PLEKHG5: variants seen among roughly 807,000 people sequenced by gnomAD.
The protein encoded by PLEKHG5 is pleckstrin homology domain-containing family G member 5.
PLEKHG5 carries 52 observed loss-of-function variants against 103.8 expected under a neutral mutation model. The ratio of observed to expected loss-of-function variants is 0.50; its 90% CI spans 0.40 to 0.63. The LOEUF is 0.63. PLEKHG5 is among the 30% of genes least tolerant of loss of function. PLEKHG5 has a pLI of 0.00. For synonymous variants in PLEKHG5, 592 were observed against 575.5 expected (o/e 1.03, Z -0.41); for missense variants, 1,205 against 1,347.6 (o/e 0.89, Z 1.66).
intron 2 of PLEKHG5, 65 bp downstream of exon 2, chr1:6,477,464 G>T (rs1314814101): frequency 8.4e-6 from 13 of 1,556,232 alleles, no homozygotes; most frequent in South Asian, 1.1e-5. Flanking sequence ...GCACGTTTCC[G>T]ACAGTTACTG....
rs1356045527 is a variant in PLEKHG5 at position 6,470,251 on chromosome 1, CTCCTTCA to C, written c.1778_1784del (p.Met593ArgfsTer20). On this transcript the variant is annotated frameshift_variant, in exon 16 of 21. Coordinates refer to ENST00000377728, the MANE Select transcript of PLEKHG5 (RefSeq NM_020631.6). LOFTEE classifies it high-confidence loss of function. ...CTGGAATCACCTTGCTGTCCTTCCCCTCCTTCATCCTCAGGCTCCCCTCCAGCAGCAG... is the reference window on the plus strand; with the variant it reads ...CTGGAATCACCTTGCTGTCCTTCCCCTCCTCAGGCTCCCCTCCAGCAGCAG... 1 of 1,613,870 alleles carries C rather than the reference CTCCTTCA, an allele frequency of 6.2e-7. No individual in the cohort carries two copies. Among genetic ancestry groups the C allele is most frequent in the African/African-American group, 1.3e-5 (1 of 74,938 alleles).
chr1:6,474,216 GGGGTCCCCGGTCCTCTCTCCCCGGA>G (rs1376570791), intron 6 of PLEKHG5, 52 bp from the exon 7 acceptor site: 2 of 1,599,908 alleles, frequency 1.3e-6, no homozygotes, highest in South Asian at 2.2e-5. Context: ...GGTGGAGGAG[GGGGTCCCCGGTCCTCTCTCCCCGGA>G]GGATCCACAC....
At chr1:6,476,074 C>T (rs1569890608) in intron 2 of PLEKHG5, 38 bp from the exon 3 acceptor site, 1 of 1,551,550 alleles carries the variant, frequency 6.4e-7, no homozygotes, top group Non-Finnish European at 8.9e-7. Context: ...CCTCCCCCGC[C>T]CCTCCTTAGC....
chr1:6,482,833 CAAGTAACTGGGACT>C (rs1390882687), intron 1 of PLEKHG5, among the ~76,000 whole-genome samples: 1 of 152,124 alleles, frequency 6.6e-6, no homozygotes, highest in Non-Finnish European at 1.5e-5. Context: ...TTCAGCCTCC[CAAGTAACTGGGACT>C]ACAAGCACAC....
chr1:6,483,062 G>A (rs1245333716), intron 1 of PLEKHG5, among the ~76,000 whole-genome samples: 1 of 152,230 alleles, frequency 6.6e-6, no homozygotes, highest in Admixed American at 6.5e-5. Context: ...TCTTAGGAGC[G>A]AGAGGCTGGC....
chr1:6,475,210 TCCTTCC>T, intron 4 of PLEKHG5, 72 bp from the exon 5 acceptor site: 1 of 302,126 alleles, frequency 3.3e-6, no homozygotes, highest in Non-Finnish European at 5.9e-6. Flanking sequence ...CTCCCCACCC[TCCTTCC>T]CACCCTCCTT....
At chr1:6,467,774 C>A (rs1037685355) in intron 20 of PLEKHG5, 51 bp downstream of exon 20, 1 of 1,600,018 alleles carries the variant, frequency 6.2e-7, no homozygotes, top group South Asian at 1.1e-5. Flanking sequence ...TGAGTGGGCC[C>A]CCATGCCAGT....
Position 6,487,793 on chromosome 1 carries a change from A to G in PLEKHG5, c.-88+3844T>C, listed in dbSNP as rs1645069036. Among the ~76,000 whole-genome samples the G allele has an allele frequency of 6.6e-6, 1 of 152,232 alleles. No individual in the cohort carries two copies. The highest frequency in any genetic ancestry group is 2.4e-5 in the African/African-American group (1 of 41,534). On this transcript the variant is annotated intron_variant, in intron 1 of 20. Coordinates refer to ENST00000377728, the MANE Select transcript of PLEKHG5 (RefSeq NM_020631.6). The surrounding 1 kb of genome is among the most constrained non-coding windows in gnomAD (Gnocchi z 4.1). ...CACTTTTTTATCATCATTCTTCCCT[A>G]CCAGACTGTCCTCTCCAGAAGCCAG...
rs767450271 is a variant in PLEKHG5, at chr1:6,470,724, A to G, written c.1542+11T>C. 6.4e-7 allele frequency: 1 copy of G among 1,554,516 alleles called. No individual in the cohort carries two copies. Among genetic ancestry groups the G allele is most frequent in the Non-Finnish European group, 8.7e-7 (1 of 1,151,780 alleles). On this transcript the variant is annotated intron_variant, in intron 14 of 20. Coordinates refer to ENST00000377728, the MANE Select transcript of PLEKHG5 (RefSeq NM_020631.6). ...GCAGGGGGGACGGCTCCCGCTGGCCATCAGGGTTACCATGGCGACGACGGC... is the reference window on the plus strand; with the variant it reads ...GCAGGGGGGACGGCTCCCGCTGGCCGTCAGGGTTACCATGGCGACGACGGC...
intron 1 of PLEKHG5, among the ~76,000 whole-genome samples, chr1:6,510,507 T>C (rs1166333947): frequency 2.6e-5 from 4 of 151,952 alleles, no homozygotes; most frequent in African/African-American, 9.7e-5. Context: ...AGAGAATTGC[T>C]TTAACCTGGG....
In PLEKHG5 at chr1:6,475,981, G is replaced by A. The variant is rs775878865; in HGVS notation, c.99C>T (p.Pro33=). Residue 33 remains proline (P), a synonymous_variant, in exon 3 of 21, where the codon CCC becomes CCT. Transcript: ENST00000377728. ...CCTCCTCCTCCTCCAAGTCCACTGC[G>A]GGGCTGGTGCGCGGCGGGCATGACC... is the stretch of plus-strand genomic sequence containing the variant. ...STRSCPPRTS[P]AVDLEEEEEE... 30 of 1,613,850 alleles carry A rather than the reference G, an allele frequency of 1.9e-5. No homozygotes were observed. The highest frequency in any genetic ancestry group is 3.3e-5 in the South Asian group (3 of 91,092).
At chr1:6,496,588 G>C (rs754545446), upstream of PLEKHG5, 1 of 1,530,894 alleles carries the variant, frequency 6.5e-7, no homozygotes, top group South Asian at 1.2e-5. Context: ...GAGGAGCAGA[G>C]GGCATCAGTC....
chr1:6,496,558 G>T, upstream of PLEKHG5: 1 of 1,576,646 alleles, frequency 6.3e-7, no homozygotes, highest in Non-Finnish European at 8.6e-7. Context: ...TTTTCAGCGG[G>T]GCTCTGGTCG....
At chr1:6,471,352 T>C in intron 12 of PLEKHG5, 136 bp downstream of exon 12, 1 of 1,059,822 alleles carries the variant, frequency 9.4e-7, no homozygotes, top group Non-Finnish European at 1.4e-6. Flanking sequence ...TCCTCACCCT[T>C]GGCCACAAGG....
At chr1:6,474,725 G>A (rs1287097841) in intron 5 of PLEKHG5, 138 bp from the exon 6 acceptor site, 38 of 841,950 alleles carry the variant, frequency 4.5e-5, no homozygotes, top group Non-Finnish European at 6.8e-5. Flanking sequence ...AAGCCCGCAT[G>A]GGATCACACG....
chr1:6,467,546 T>TG lies in PLEKHG5; in HGVS notation c.*16dup. On this transcript the variant is annotated 3_prime_UTR_variant, in exon 21 of 21. Transcript: ENST00000377728. ...GCTGTCTCTTGGTCAATGGCACTCT[T>TG]GGGGGCCTCCCTCTGCTCAGACCTC... The TG allele has an allele frequency of 6.2e-7, 1 of 1,613,050 alleles. No individual in the cohort carries two copies. The highest frequency in any genetic ancestry group is 1.3e-5 in the African/African-American group (1 of 75,010).
chr1:6,473,407 C>T lies in PLEKHG5; in HGVS notation c.639G>A (p.Ala213=), dbSNP rs560366406. 4.7e-5 allele frequency: 73 copies of T among 1,543,474 alleles called. 1 individual carries two copies. In the Admixed American group the frequency reaches 8.3e-4, roughly 17 times the overall value. The part of the protein sequence containing the change: ...RKNMSEFLGE[A]SIPGQEPPTP... ...TGGGGGGCTCCTGCCCGGGGATGCTCGCCTCCCCCAGGAACTCCGACATGT... is the reference window on the plus strand; with the variant it reads ...TGGGGGGCTCCTGCCCGGGGATGCTTGCCTCCCCCAGGAACTCCGACATGT... Residue 213 remains alanine (A), a synonymous_variant, in exon 8 of 21, where the codon GCG becomes GCA. Transcript: ENST00000377728.
chr1:6,468,408 C>A lies in PLEKHG5; in HGVS notation c.2428G>T (p.Gly810Cys), dbSNP rs76625876. 2 of 1,611,272 alleles carry A rather than the reference C, an allele frequency of 1.2e-6. No individual in the cohort carries two copies. Among genetic ancestry groups the A allele is most frequent in the Non-Finnish European group, 1.7e-6 (2 of 1,179,092 alleles). Residue 810 changes from glycine to cysteine, a missense_variant, in exon 20 of 21, where the codon GGC becomes TGC. Transcript: ENST00000377728. ...GCAGAGTCCATGGAGCAGGAGCGGCCGTCCACCGGACCCAGGGGCAGCAGC... is the reference window on the plus strand; with the variant it reads ...GCAGAGTCCATGGAGCAGGAGCGGCAGTCCACCGGACCCAGGGGCAGCAGC... ...SELLPLGPVD[G>C]RSCSMDSAYG...
chr1:6,491,766 G>C (rs996098878), upstream of PLEKHG5: 7 of 887,868 alleles, frequency 7.9e-6, no homozygotes, highest in Non-Finnish European at 9.4e-6. The surrounding 1 kb of genome is among the most constrained non-coding windows in gnomAD (Gnocchi z 4.1). Context: ...CCATTGTTAA[G>C]CTGCAAGGGA....
Sources: gnomAD v4.1 joint callset for allele counts (sites outside exome capture counted in the v4.1 genomes callset) on GRCh38, gnomAD v4.1.1 for gene constraint, Gnocchi (gnomAD v3.1) non-coding constraint, MANE v1.5 for transcripts, NCBI Gene and HGNC (gene_info 2026-07-23, HGNC 2026-07-21) for gene names.